Variants in ODR4 observed in about 807,000 individuals in gnomAD.
ODR4 encodes protein odr-4 homolog.
Under a neutral mutation model 60.2 loss-of-function variants are expected in ODR4, and 47 were observed. That is an observed-to-expected ratio of 0.78 (90% CI 0.62 to 1.00). ODR4 has a LOEUF of 1.00. Ranked by LOEUF, ODR4 falls within the 50% of genes least tolerant of loss-of-function variation. The pLI, the probability that ODR4 is intolerant of heterozygous loss-of-function variation, is 0.00. For synonymous variants in ODR4, 178 were observed against 175.5 expected, an observed-to-expected ratio of 1.01 and a Z score of -0.11; for missense variants, 488 against 530.8, an observed-to-expected ratio of 0.92 and a Z score of 0.79.
downstream of ODR4, among the ~76,000 whole-genome samples, chr1:186,422,616 A>AT (rs928113774): frequency 7.9e-5 from 12 of 152,262 alleles, no homozygotes; most frequent in African/African-American, 2.9e-4. Context: ...ATAAAGGTTA[A>AT]TTTTTTTTAA....
At chr1:186,414,040 T>A (rs962900545) in intron 12 of ODR4, among the ~76,000 whole-genome samples, 4 of 152,212 alleles carry the variant, frequency 2.6e-5, no homozygotes, top group Non-Finnish European at 4.4e-5. Context: ...ACTGTGTTAT[T>A]TGCATTTAAA....
chr1:186,395,661 A>G (rs1280296327), intron 9 of ODR4, among the ~76,000 whole-genome samples: 1 of 152,140 alleles, frequency 6.6e-6, no homozygotes, highest in African/African-American at 2.4e-5. Flanking sequence ...CTCTTCATCT[A>G]TACATTCTTG....
intron 1 of ODR4, among the ~76,000 whole-genome samples, chr1:186,379,443 CAAAA>C (rs57320656): frequency 1.7e-5 from 1 of 58,482 alleles, no homozygotes. Context: ...AACTCCGTCT[CAAAA>C]AAAAAAAAAA....
intron 1 of ODR4, among the ~76,000 whole-genome samples, chr1:186,377,235 G>C (rs1420109716): frequency 1.3e-5 from 2 of 152,140 alleles, no homozygotes; most frequent in Non-Finnish European, 2.9e-5. Context: ...ATGTAATCAT[G>C]CTTTAAAAAA....
At chr1:186,401,932 CT>C (rs1217460569) in intron 11 of ODR4, among the ~76,000 whole-genome samples, 2 of 151,960 alleles carry the variant, frequency 1.3e-5, no homozygotes, top group African/African-American at 4.8e-5. Flanking sequence ...GGTATTATTT[CT>C]TTTTTAAAGG....
intron 11 of ODR4, among the ~76,000 whole-genome samples, chr1:186,404,401 G>A (rs1250437322): frequency 1.3e-5 from 2 of 151,998 alleles, no homozygotes; most frequent in African/African-American, 2.4e-5. Flanking sequence ...GTTATTTAAC[G>A]TTTGATTTTT....
chr1:186,404,697 AGAATCTG>A (rs1203644691), intron 11 of ODR4, among the ~76,000 whole-genome samples: 1 of 152,222 alleles, frequency 6.6e-6, no homozygotes. Context: ...GATAATACAC[AGAATCTG>A]GAAGGAACAC....
At chr1:186,398,001 G>A (rs1558078296) in intron 9 of ODR4, among the ~76,000 whole-genome samples, 1 of 152,108 alleles carries the variant, frequency 6.6e-6, no homozygotes, top group Admixed American at 6.5e-5. Context: ...CAGTACTGAT[G>A]TGAATAATTT....
Position 186,398,394 on chromosome 1 carries a change from A to T in ODR4, c.862A>T (p.Arg288Ter). The change falls in exon 10 of 14, where the codon AGA becomes TGA. Residue 288 changes from arginine (R) to a stop codon, truncating the protein, a stop_gained. Coordinates refer to ENST00000287859, the MANE Select transcript of ODR4 (RefSeq NM_017847.6). LOFTEE classifies it high-confidence loss of function. ...SVNLKGAVKC[R>*]AYIHSSKPKV... ...AAACCTTAAGGGTGCTGTGAAATGC[A>T]GAGCTTATATCCACAGCAGTAAACC... The T allele has an allele frequency of 6.2e-7, 1 of 1,611,126 alleles. No homozygotes were observed. The highest frequency in any genetic ancestry group is 8.5e-7 in the Non-Finnish European group (1 of 1,178,278).
At chr1:186,387,244 TTC>T (rs1328072925) in intron 4 of ODR4, among the ~76,000 whole-genome samples, 3 of 152,180 alleles carry the variant, frequency 2.0e-5, no homozygotes, top group Non-Finnish European at 4.4e-5. Context: ...AATGGAGATA[TTC>T]TCCTCCCTGC....
At chr1:186,396,926 C>G (rs1410578044) in intron 9 of ODR4, among the ~76,000 whole-genome samples, 1 of 152,042 alleles carries the variant, frequency 6.6e-6, no homozygotes, top group African/African-American at 2.4e-5. Flanking sequence ...GCCTGTTACT[C>G]CTCCTCCAAC....
chr1:186,432,293 T>G, the ODR4 span, among the ~76,000 whole-genome samples: 8 of 152,228 alleles, frequency 5.3e-5, no homozygotes, highest in Non-Finnish European at 5.9e-5. Context: ...TAATATTTTA[T>G]TTAAATTTTT....
chr1:186,390,933 T>C (rs1660445539), intron 7 of ODR4, 82 bp downstream of exon 7: 1 of 1,330,330 alleles, frequency 7.5e-7, no homozygotes, highest in Admixed American at 2.4e-5. Flanking sequence ...TCATTCATTT[T>C]ACAATCCTCA....
rs1391188599 is a variant in ODR4 at position 186,420,037 on chromosome 1, G to A, written c.*961G>A. ...ACTTTTGCTTCCAGCAAGTATGTTA[G>A]ACTAGATATTATAAAACAACTAGAT... On this transcript the variant is annotated 3_prime_UTR_variant, in exon 14 of 14. Coordinates refer to ENST00000287859, the MANE Select transcript of ODR4 (RefSeq NM_017847.6). 1 of 152,086 alleles carries A rather than the reference G, an allele frequency of 6.6e-6. No individual in the cohort carries two copies. The highest frequency in any genetic ancestry group is 1.5e-5 in the Non-Finnish European group (1 of 68,014). 9.4% of individuals were successfully genotyped at this position (152,086 alleles called of 1,614,324 possible).
intron 12 of ODR4, among the ~76,000 whole-genome samples, chr1:186,416,748 C>A (rs1251782635): frequency 2.0e-5 from 3 of 147,784 alleles, no homozygotes; most frequent in African/African-American, 7.5e-5. Context: ...CCCAGCTACT[C>A]AGGAGGTTGA....
rs550549604 is a variant in ODR4 at position 186,420,422 on chromosome 1, G to A, written c.*1346G>A. On this transcript the variant is annotated 3_prime_UTR_variant, in exon 14 of 14. Coordinates refer to ENST00000287859, the MANE Select transcript of ODR4 (RefSeq NM_017847.6). ...GATTCCTACAGATTATTATCAAGTA[G>A]TAGTATTTTATGACTAGAGATCACA... 1 of 152,172 alleles carries A rather than the reference G, an allele frequency of 6.6e-6. No homozygotes were observed. The highest frequency in any genetic ancestry group is 6.5e-5 in the Admixed American group (1 of 15,274). 9.4% of individuals were successfully genotyped at this position (152,172 alleles called of 1,614,324 possible). A position where few individuals can be genotyped will look rare whatever the true frequency, so the allele number is the denominator to read the frequency against.
intron 6 of ODR4, among the ~76,000 whole-genome samples, chr1:186,390,023 C>T (rs1163109990): frequency 6.6e-6 from 1 of 152,056 alleles, no homozygotes; most frequent in African/African-American, 2.4e-5. Flanking sequence ...TTATGTTTGT[C>T]TTGAACTTCT....
chr1:186,378,567 C>CA (rs1184506557), intron 1 of ODR4, among the ~76,000 whole-genome samples: 3 of 152,138 alleles, frequency 2.0e-5, no homozygotes, highest in Non-Finnish European at 2.9e-5. Flanking sequence ...AGAGGGAAAA[C>CA]AGAGTAAGAG....
At chr1:186,401,019 C>G (rs1558083258) in intron 11 of ODR4, 1 of 1,577,930 alleles carries the variant, frequency 6.3e-7, no homozygotes, top group South Asian at 1.1e-5. Flanking sequence ...ATTATAGCTG[C>G]ATTGCAGGTT....
Sources: gnomAD v4.1 joint callset for allele counts (sites outside exome capture counted in the v4.1 genomes callset) on GRCh38, gnomAD v4.1.1 for gene constraint, MANE v1.5 for transcripts, NCBI Gene and HGNC (gene_info 2026-07-23, HGNC 2026-07-21) for gene names.